AFM: variants seen among roughly 807,000 people sequenced by gnomAD.
AFM encodes alpha-Alb.
AFM carries 82 observed loss-of-function variants against 68.7 expected under a neutral mutation model. The ratio of observed to expected loss-of-function variants is 1.19; its 90% CI spans 1.00 to 1.43. AFM has a LOEUF of 1.43. Ranked by LOEUF, AFM falls within the 40% of genes most tolerant of loss-of-function variation. AFM has a pLI of 0.00. For missense variants in AFM, 772 were observed against 701.8 expected (o/e 1.10, Z -1.13); for synonymous variants, 250 against 234.2 (o/e 1.07, Z -0.61).
At chr4:73,484,917 A>T (rs776255820) in intron 3 of AFM, among the ~76,000 whole-genome samples, 4 of 152,152 alleles carry the variant, frequency 2.6e-5, no homozygotes, top group Non-Finnish European at 5.9e-5. Flanking sequence ...GAAATGAAAG[A>T]TGTTCTGTGC....
chr4:73,482,262 ATGGAATGCAGAACC>A (rs1720736541), intron 1 of AFM, among the ~76,000 whole-genome samples: 1 of 152,276 alleles, frequency 6.6e-6, no homozygotes, highest in African/African-American at 2.4e-5. Context: ...CTATATCTTT[ATGGAATGCAGAACC>A]TAGTTCCTCC....
rs1365212699 is a variant in AFM at position 73,495,331 on chromosome 4, G to C, written c.1090G>C (p.Asp364His). 5 of 1,607,894 alleles carry C rather than the reference G, an allele frequency of 3.1e-6. No individual in the cohort carries two copies. The highest frequency in any genetic ancestry group is 3.4e-6 in the Non-Finnish European group (4 of 1,178,510). The change falls in exon 9 of 15, where the codon GAC becomes CAC. Residue 364 changes from aspartate (D) to histidine (H), a missense_variant. Asp to His is a moderately conservative substitution (Grantham distance 81). Coordinates refer to ENST00000226355, the MANE Select transcript of AFM (RefSeq NM_001133.2). ...FTFEYSRRHP[D>H]LSIPELLRIV... Reference sequence around the variant, plus strand: ...TTTTGAATACTCAAGGAGACATCCAGACCTGTCTATACCAGAGCTTTTAAG... The same window carrying C: ...TTTTGAATACTCAAGGAGACATCCACACCTGTCTATACCAGAGCTTTTAAG...
intron 8 of AFM, among the ~76,000 whole-genome samples, chr4:73,494,199 C>T (rs1199842363): frequency 6.6e-6 from 1 of 151,556 alleles, no homozygotes; most frequent in Non-Finnish European, 1.5e-5. Flanking sequence ...ATATATCTCA[C>T]AAATGGAATT....
chr4:73,499,340 CT>C, intron 11 of AFM, 94 bp downstream of exon 11: 1 of 1,205,876 alleles, frequency 8.3e-7, no homozygotes, highest in Non-Finnish European at 1.1e-6. Context: ...ATCCATATTC[CT>C]TTCTTCACTG....
intron 4 of AFM, among the ~76,000 whole-genome samples, chr4:73,486,555 G>A (rs553364482): frequency 6.6e-6 from 1 of 152,260 alleles, no homozygotes; most frequent in East Asian, 1.9e-4. Context: ...AAGTAAACAG[G>A]ACCCCTGAAT....
Position 73,500,226 on chromosome 4 carries a change from A to C in AFM, c.1645A>C (p.Arg549=), listed in dbSNP as rs1218938209. 6.2e-7 allele frequency: 1 copy of C among 1,605,534 alleles called. No homozygotes were observed. The highest frequency in any genetic ancestry group is 8.5e-7 in the Non-Finnish European group (1 of 1,174,700). ...TGAGGAGCTTCAGAGGAAGACAGAC[A>C]GGTACAAATAATCTCTTCCATTCTT... is the stretch of plus-strand genomic sequence containing the variant. ...QNEELQRKTD[R]FLVNLVKLKH... Residue 549 remains arginine, a splice_region_variant and synonymous_variant, in exon 12 of 15, where the codon AGG becomes CGG. Transcript: ENST00000226355.
intron 13 of AFM, 138 bp from the exon 14 acceptor site, chr4:73,502,912 A>T: frequency 2.4e-6 from 2 of 825,034 alleles, no homozygotes; most frequent in Admixed American, 5.1e-5. Context: ...ACTAGAAGAA[A>T]GAATGTTTAC....
rs138658484 is a variant in AFM at position 73,491,782 on chromosome 4, C to T, written c.844-90C>T. 175 of 1,043,654 alleles carry T rather than the reference C, an allele frequency of 1.7e-4. No homozygotes were observed. In the African/African-American group the frequency reaches 2.4e-3, roughly 14 times the overall value. The allele number at this position is 1,043,654 out of a possible 1,614,324, so 64.6% of individuals were successfully genotyped here. ...ATTGATGAAGTGATTCCAGATGCTG[C>T]GATCATGACTGGTTTTGCATGCCAT... is the stretch of plus-strand genomic sequence containing the variant. On this transcript the variant is annotated intron_variant, in intron 7 of 14. Transcript: ENST00000226355.
In AFM at chr4:73,485,109, A is replaced by G. The variant is rs987709550; in HGVS notation, c.270+719A>G. Among the ~76,000 whole-genome samples, 8 of 152,296 alleles carry G rather than the reference A, an allele frequency of 5.3e-5. No individual in the cohort carries two copies. The East Asian group carries it at 7.7e-4, about 15-fold the overall frequency. On this transcript the variant is annotated intron_variant, in intron 3 of 14. Transcript: ENST00000226355. ...AGCTTGAAACTGCACATGAAATTACAGAGGTACCTCCTTAGCTGCCTCTCT... is the reference window on the plus strand; with the variant it reads ...AGCTTGAAACTGCACATGAAATTACGGAGGTACCTCCTTAGCTGCCTCTCT...
chr4:73,488,582 C>G (rs1439497485), intron 6 of AFM, 48 bp from the exon 7 acceptor site: 1 of 1,550,646 alleles, frequency 6.4e-7, no homozygotes, highest in Non-Finnish European at 8.8e-7. Flanking sequence ...CCCACTTGTT[C>G]TACTTGCTGT....
chr4:73,502,598 A>G (rs1721450896), intron 13 of AFM, among the ~76,000 whole-genome samples: 1 of 152,004 alleles, frequency 6.6e-6, no homozygotes, highest in Non-Finnish European at 1.5e-5. Flanking sequence ...TTTATTTCTC[A>G]CTGTTTCTTT....
intron 3 of AFM, 109 bp downstream of exon 3, chr4:73,484,499 T>TTTC (rs1720828678): frequency 6.1e-6 from 4 of 658,310 alleles, no homozygotes; most frequent in East Asian, 3.8e-5. Context: ...TCTTTCTTTC[T>TTTC]TTCTTTCATT....
At chr4:73,496,753 ATTTTCCTGTTGAAATTAG>A (rs1473210219) in intron 9 of AFM, among the ~76,000 whole-genome samples, 1 of 152,016 alleles carries the variant, frequency 6.6e-6, no homozygotes, top group Non-Finnish European at 1.5e-5. Context: ...TGTACTACCC[ATTTTCCTGTTGAAATTAG>A]TGTTTTTCAT....
At position 73,499,275 on chromosome 4, in the gene AFM, C is replaced by T. The variant is rs78120773; in HGVS notation, c.1422+29C>T. The stretch of plus-strand genomic sequence containing the variant: ...AGCATGGCCTGTGTACCAGACTACT[C>T]TTTTTTTTTTTTTTTAAAAAAAAGA... On this transcript the variant is annotated intron_variant, in intron 11 of 14. Transcript: ENST00000226355. 5.4e-5 allele frequency: 66 copies of T among 1,222,388 alleles called. 1 individual carries two copies. Among genetic ancestry groups the T allele is most frequent in the East Asian group, 4.3e-4 (14 of 32,538 alleles). The allele number at this position is 1,222,388 out of a possible 1,614,324, so 75.7% of individuals were successfully genotyped here. A position where few individuals can be genotyped will look rare whatever the true frequency, so the allele number is the denominator to read the frequency against.
Position 73,492,053 on chromosome 4 carries a change from A to T in AFM, c.1025A>T (p.Glu342Val). 1.2e-6 allele frequency: 2 copies of T among 1,612,654 alleles called. No individual in the cohort carries two copies. Among genetic ancestry groups the T allele is most frequent in the Non-Finnish European group, 1.7e-6 (2 of 1,179,690 alleles). ...ACTGACAGTGAAAATGTGTGTCAAG[A>T]ACGAGATGCTGACCCAGACACCTTC... ...KFTDSENVCQERDADPDTFFA... is the reference protein window; with the variant it reads ...KFTDSENVCQVRDADPDTFFA... The change falls in exon 8 of 15, where the codon GAA becomes GTA. Residue 342 changes from glutamate (E) to valine (V), a missense_variant. Coordinates refer to ENST00000226355, the MANE Select transcript of AFM (RefSeq NM_001133.2).
In AFM at chr4:73,488,740, T is replaced by A. The variant is rs1449461234; in HGVS notation, c.824T>A (p.Val275Glu). ...GATGGATGCTGTGAAGGGGATGTTG[T>A]GCAGTGCATCCGTGACACGGTGAAT... ...NYDGCCEGDVVQCIRDTSKVM... is the reference protein window; with the variant it reads ...NYDGCCEGDVEQCIRDTSKVM... Residue 275 changes from valine to glutamate, a missense_variant, in exon 7 of 15, where the codon GTG becomes GAG. Transcript: ENST00000226355. 6.2e-7 allele frequency: 1 copy of A among 1,612,372 alleles called. No individual in the cohort carries two copies. Among genetic ancestry groups the A allele is most frequent in the Admixed American group, 1.7e-5 (1 of 59,592 alleles).
rs1476640897 is a variant in AFM, at chr4:73,501,816, A to G, written c.1676A>G (p.His559Arg). The change falls in exon 13 of 15, where the codon CAT (histidine) becomes CGT (arginine). Residue 559 changes from histidine (H) to arginine (R), a missense_variant. Transcript: ENST00000226355. Reference protein sequence around the residue: ...RFLVNLVKLKHELTDEELQSL... With the variant: ...RFLVNLVKLKRELTDEELQSL... ...CTTGTCAACTTAGTGAAGCTGAAGCATGAACTCACAGATGAAGAGCTGCAG... is the reference window on the plus strand; with the variant it reads ...CTTGTCAACTTAGTGAAGCTGAAGCGTGAACTCACAGATGAAGAGCTGCAG... 2 of 1,613,298 alleles carry G rather than the reference A, an allele frequency of 1.2e-6. No homozygotes were observed. The highest frequency in any genetic ancestry group is 1.7e-6 in the Non-Finnish European group (2 of 1,179,568).
intron 7 of AFM, among the ~76,000 whole-genome samples, chr4:73,490,580 C>G (rs566431191): frequency 6.6e-6 from 1 of 151,946 alleles, no homozygotes; most frequent in Non-Finnish European, 1.5e-5. Context: ...CCACCACACC[C>G]CGCTAATGTT....
At chr4:73,485,579 G>T (rs148038972) in intron 3 of AFM, among the ~76,000 whole-genome samples, 173 of 133,916 alleles carry the variant, frequency 1.3e-3, no homozygotes, top group Non-Finnish European at 2.0e-3. Flanking sequence ...AGGAGAAAGA[G>T]AAGGAGAAGG....
Sources: gnomAD v4.1 joint callset for allele counts (sites outside exome capture counted in the v4.1 genomes callset) on GRCh38, gnomAD v4.1.1 for gene constraint, MANE v1.5 for transcripts, NCBI Gene and HGNC (gene_info 2026-07-23, HGNC 2026-07-21) for gene names.